NIPSNAP2: variants seen among roughly 807,000 people sequenced by gnomAD.
The protein encoded by NIPSNAP2 is nipsnap homolog 2, also known as protein NipSnap homolog 2.
Under a neutral mutation model 48.4 loss-of-function variants are expected in NIPSNAP2, and 42 were observed. The ratio of observed to expected loss-of-function variants is 0.87; its 90% CI spans 0.68 to 1.12. The LOEUF (loss-of-function observed/expected upper bound fraction) is 1.12, where lower values mean the gene tolerates loss of function less well. Ranked by LOEUF, NIPSNAP2 falls within the 50% of genes most tolerant of loss-of-function variation. The pLI, the probability that NIPSNAP2 is intolerant of heterozygous loss-of-function variation, is 0.00. For synonymous variants in NIPSNAP2, 158 were observed against 126.6 expected (o/e 1.25, Z -1.67); for missense variants, 314 against 347.3 (o/e 0.90, Z 0.76).
rs1451685485 is a variant in NIPSNAP2 at position 55,994,855 on chromosome 7, A to G, written c.618-39A>G. The G allele has an allele frequency of 2.0e-6, 3 of 1,537,398 alleles. No homozygotes were observed. The African/African-American group carries it at 4.1e-5, about 21-fold the overall frequency. ...TCTACCGATTCTCGTTAGCGTATCT[A>G]ATTCAGTGTCTTAAACAAACATCAT... On this transcript the variant is annotated intron_variant, in intron 7 of 9. Coordinates refer to ENST00000322090, the MANE Select transcript of NIPSNAP2 (RefSeq NM_001483.3).
rs1787631098 is a variant in NIPSNAP2 at position 55,999,201 on chromosome 7, CCT to C, written c.*132_*133del. ...GCTGCTGTATATAGCTTGTGAGAAA[CCT>C]CTTTTCTTTAAAATTTACATAATCA... On this transcript the variant is annotated 3_prime_UTR_variant, in exon 10 of 10. Coordinates refer to ENST00000322090, the MANE Select transcript of NIPSNAP2 (RefSeq NM_001483.3). 1.4e-6 allele frequency: 1 copy of C among 723,300 alleles called. No homozygotes were observed. The highest frequency in any genetic ancestry group is 2.4e-6 in the Non-Finnish European group (1 of 419,708). The allele number at this position is 723,300 out of a possible 1,614,324, so 44.8% of individuals were successfully genotyped here. A position where few individuals can be genotyped will look rare whatever the true frequency, so the allele number is the denominator to read the frequency against.
intron 6 of NIPSNAP2, among the ~76,000 whole-genome samples, chr7:55,984,380 C>T (rs1787284339): frequency 6.6e-6 from 1 of 152,084 alleles, no homozygotes; most frequent in African/African-American, 2.4e-5. Context: ...AGCTTGAGAC[C>T]AGCCTGAACA....
chr7:55,971,617 C>G (rs368976132), intron 1 of NIPSNAP2, among the ~76,000 whole-genome samples: 1 of 152,108 alleles, frequency 6.6e-6, no homozygotes, highest in South Asian at 2.1e-4. Context: ...CACGAGCCAC[C>G]ATGCCCAGCT....
chr7:55,964,634 CG>C lies in NIPSNAP2; in HGVS notation c.26del (p.Arg9ProfsTer38). The stretch of plus-strand genomic sequence containing the variant: ...GATGGCGGCGCGAGTGCTGCGCGCC[CG>C]CGGAGCGGCCTGGGCCGGCGGCCTC... MAARVLRARGAAWAGGLLQ... is the reference protein window; with the variant it reads MAARVLRAXGAAWAGGLLQ... On this transcript the variant is annotated frameshift_variant, in exon 1 of 10. Transcript: ENST00000322090. LOFTEE classifies it high-confidence loss of function. The C allele has an allele frequency of 9.3e-7, 1 of 1,070,096 alleles. No individual in the cohort carries two copies. The highest frequency in any genetic ancestry group is 1.1e-6 in the Non-Finnish European group (1 of 886,080). 66.3% of individuals were successfully genotyped at this position (1,070,096 alleles called of 1,614,324 possible). A position where few individuals can be genotyped will look rare whatever the true frequency, so the allele number is the denominator to read the frequency against.
intron 1 of NIPSNAP2, among the ~76,000 whole-genome samples, chr7:55,977,164 G>A (rs1275137369): frequency 6.6e-6 from 1 of 151,980 alleles, no homozygotes; most frequent in Non-Finnish European, 1.5e-5. Context: ...GCTGAGGCAG[G>A]TGGATTGCCT....
At chr7:55,967,977 G>T (rs908061728) in intron 1 of NIPSNAP2, among the ~76,000 whole-genome samples, 2 of 151,068 alleles carry the variant, frequency 1.3e-5, no homozygotes, top group Non-Finnish European at 3.0e-5. Flanking sequence ...TTGTAGAGAG[G>T]GGGGTCTTGC....
At chr7:55,975,249 A>T (rs1481980209) in intron 1 of NIPSNAP2, among the ~76,000 whole-genome samples, 1 of 152,062 alleles carries the variant, frequency 6.6e-6, no homozygotes, top group Non-Finnish European at 1.5e-5. Flanking sequence ...GCTAATCTGG[A>T]GGCTGAGGTG....
chr7:55,994,484 G>A (rs1038688706), intron 7 of NIPSNAP2, among the ~76,000 whole-genome samples: 1 of 152,264 alleles, frequency 6.6e-6, no homozygotes, highest in East Asian at 1.9e-4. Flanking sequence ...AGGCTGAGGC[G>A]GGCGGATTAC....
intron 3 of NIPSNAP2, 87 bp from the exon 4 acceptor site, chr7:55,981,386 G>T: frequency 1.2e-6 from 1 of 845,006 alleles, no homozygotes; most frequent in Non-Finnish European, 2.0e-6. Flanking sequence ...AGAGTAGGTG[G>T]TCTTTTTCCT....
intron 1 of NIPSNAP2, among the ~76,000 whole-genome samples, chr7:55,974,419 C>T (rs1787069826): frequency 6.6e-6 from 1 of 152,042 alleles, no homozygotes; most frequent in African/African-American, 2.4e-5. Flanking sequence ...AATTTGCTCT[C>T]ATGAGAGTTT....
intron 3 of NIPSNAP2, 185 bp downstream of exon 3, chr7:55,978,580 C>T (rs1787151002): frequency 3.4e-6 from 2 of 595,730 alleles, no homozygotes; most frequent in African/African-American, 3.7e-5. Context: ...TAAGCACTCA[C>T]ACAGCTAAAT....
Position 55,978,125 on chromosome 7 carries a change from G to C in NIPSNAP2, c.93-1G>C. The stretch of plus-strand genomic sequence containing the variant: ...GTGACAACACCTTTGTTATTCCATA[G>C]GACATGGACATCTTCCAGCAACAGA... On this transcript the variant is annotated splice_acceptor_variant, in intron 1 of 9. Transcript: ENST00000322090. LOFTEE classifies it high-confidence loss of function. The C allele has an allele frequency of 6.2e-7, 1 of 1,614,054 alleles. No homozygotes were observed.
chr7:55,969,530 A>G (rs934895137), intron 1 of NIPSNAP2, among the ~76,000 whole-genome samples: 1 of 152,064 alleles, frequency 6.6e-6, no homozygotes, highest in Admixed American at 6.6e-5. Flanking sequence ...CACAACAGCT[A>G]CCTACTTCCT....
At chr7:55,993,359 CCGAAG>C (rs1352407275) in intron 7 of NIPSNAP2, among the ~76,000 whole-genome samples, 1 of 151,444 alleles carries the variant, frequency 6.6e-6, no homozygotes, top group Admixed American at 6.6e-5. Context: ...GTTTGGGAGG[CCGAAG>C]CGGGGCAGAT....
chr7:55,968,965 C>T lies in NIPSNAP2; in HGVS notation c.92+4264C>T, dbSNP rs907311835. Among the ~76,000 whole-genome samples the T allele has an allele frequency of 4.0e-5, 6 of 151,408 alleles. No individual in the cohort carries two copies. The East Asian group carries it at 1.2e-3, about 29-fold the overall frequency. Reference sequence around the variant, plus strand: ...AGGTGGCTGAAGCAAGGTAATTGCTCGAGCGCAGGAGGTGGAGGCTGAAGT... The same window carrying T: ...AGGTGGCTGAAGCAAGGTAATTGCTTGAGCGCAGGAGGTGGAGGCTGAAGT... On this transcript the variant is annotated intron_variant, in intron 1 of 9. Coordinates refer to ENST00000322090, the MANE Select transcript of NIPSNAP2 (RefSeq NM_001483.3).
chr7:55,990,978 A>G (rs1787432569), intron 7 of NIPSNAP2, among the ~76,000 whole-genome samples: 1 of 151,782 alleles, frequency 6.6e-6, no homozygotes, highest in Non-Finnish European at 1.5e-5. Context: ...TTTAGTAGAG[A>G]CAGAGTTTCG....
chr7:55,991,766 AT>A (rs1391611794), intron 7 of NIPSNAP2: 37 of 156,686 alleles, frequency 2.4e-4, no homozygotes, highest in East Asian at 6.0e-4. Flanking sequence ...AAAAAAAAAA[AT>A]ATATATATAT....
intron 1 of NIPSNAP2, among the ~76,000 whole-genome samples, chr7:55,966,508 G>T (rs1174217078): frequency 6.6e-6 from 1 of 152,024 alleles, no homozygotes; most frequent in Non-Finnish European, 1.5e-5. Flanking sequence ...AGGAAGCCGG[G>T]TGCAGTGGCT....
chr7:55,975,742 A>T (rs1461614241), intron 1 of NIPSNAP2, among the ~76,000 whole-genome samples: 1 of 152,214 alleles, frequency 6.6e-6, no homozygotes, highest in African/African-American at 2.4e-5. Context: ...ATGGTTACAT[A>T]AAGTTCAGAA....
Sources: gnomAD v4.1 joint callset for allele counts (sites outside exome capture counted in the v4.1 genomes callset) on GRCh38, gnomAD v4.1.1 for gene constraint, MANE v1.5 for transcripts, NCBI Gene and HGNC (gene_info 2026-07-23, HGNC 2026-07-21) for gene names.